The following RANBP10 variants were observed in gnomAD, a reference collection of about 807,000 sequenced individuals.
The protein encoded by RANBP10 is RAN binding protein 10, also known as ran-binding protein 10.
In RANBP10, 24 loss-of-function variants were observed where a neutral mutation model predicts 72.8. The observed-to-expected ratio is 0.33, with a 90% CI of 0.24 to 0.46. The LOEUF (loss-of-function observed/expected upper bound fraction) is 0.46. Among genes scored for constraint, RANBP10 ranks in the 20% least tolerant of loss-of-function variants. RANBP10 has a pLI of 1.00. For synonymous variants in RANBP10, 310 were observed against 322.3 expected, an observed-to-expected ratio of 0.96 and a Z score of 0.41; for missense variants, 679 against 817.5, an observed-to-expected ratio of 0.83 and a Z score of 2.07.
chr16:67,733,375 AAAGT>A (rs2053772684), intron 6 of RANBP10, among the ~76,000 whole-genome samples: 1 of 152,166 alleles, frequency 6.6e-6, no homozygotes, highest in Non-Finnish European at 1.5e-5. Context: ...AGAAAAAAGT[AAAGT>A]AAGTATAATT....
chr16:67,759,541 G>A (rs1364877152), intron 3 of RANBP10: 3 of 152,302 alleles, frequency 2.0e-5, no homozygotes, highest in African/African-American at 7.2e-5. Flanking sequence ...GTGACACCCA[G>A]AAGCATAGTG....
Position 67,729,910 on chromosome 16 carries a change from G to A in RANBP10, c.998+28C>T. On this transcript the variant is annotated intron_variant, in intron 8 of 13. Transcript: ENST00000317506. The surrounding 1 kb of genome is among the most constrained non-coding windows in gnomAD (Gnocchi z 7.1). ...CACCAGCTGAGAGGGGCTGGACTCT[G>A]GGGGAGCTGGGGGTGCCCAAGACTT... 1.2e-6 allele frequency: 2 copies of A among 1,613,514 alleles called. No homozygotes were observed. Among genetic ancestry groups the A allele is most frequent in the Non-Finnish European group, 1.7e-6 (2 of 1,179,902 alleles).
At chr16:67,750,761 CTTTTTT>C (rs914921755) in intron 3 of RANBP10, among the ~76,000 whole-genome samples, 2 of 110,254 alleles carry the variant, frequency 1.8e-5, no homozygotes, top group African/African-American at 3.6e-5. Flanking sequence ...TTTTCACTTT[CTTTTTT>C]TTTTTTTTTT....
At chr16:67,770,765 G>C (rs1253375075) in intron 3 of RANBP10, among the ~76,000 whole-genome samples, 1 of 152,126 alleles carries the variant, frequency 6.6e-6, no homozygotes, top group Non-Finnish European at 1.5e-5. Flanking sequence ...AAATTAGCCA[G>C]GTGTGGTAGC....
At chr16:67,803,800 C>T (rs918535311) in intron 2 of RANBP10, among the ~76,000 whole-genome samples, 1 of 138,272 alleles carries the variant, frequency 7.2e-6, no homozygotes, top group African/African-American at 2.7e-5. Context: ...TGCACTTCAG[C>T]GTGGGAGACA....
chr16:67,767,837 C>T (rs930959511), intron 3 of RANBP10, among the ~76,000 whole-genome samples: 1 of 151,904 alleles, frequency 6.6e-6, no homozygotes, highest in African/African-American at 2.4e-5. Context: ...ACCTTGTGAT[C>T]CACCCGCCTT....
Position 67,731,561 on chromosome 16 carries a change from T to C in RANBP10, c.800A>G (p.His267Arg). 3 of 1,614,160 alleles carry C rather than the reference T, an allele frequency of 1.9e-6. No individual in the cohort carries two copies. The highest frequency in any genetic ancestry group is 1.7e-6 in the Non-Finnish European group (2 of 1,179,994). ...LQNMVSSYLV[H>R]HGYCATATAF... The stretch of plus-strand genomic sequence containing the variant: ...CGTGGCTGTGGCACAATACCCATGA[T>C]GCACGAGGTAAGATGAAACCATGCT... The change falls in exon 7 of 14, where the codon CAT (histidine) becomes CGT (arginine). Residue 267 changes from histidine (H) to arginine (R), a missense_variant. Transcript: ENST00000317506.
chr16:67,779,849 C>T (rs1597898899), intron 2 of RANBP10, among the ~76,000 whole-genome samples: 3 of 152,116 alleles, frequency 2.0e-5, no homozygotes. Flanking sequence ...TGTGCTGACT[C>T]AAAATGGGGA....
intron 1 of RANBP10, 67 bp from the exon 2 acceptor site, chr16:67,805,606 T>C (rs1275639530): frequency 3.8e-6 from 5 of 1,318,044 alleles, no homozygotes; most frequent in South Asian, 2.5e-5. Flanking sequence ...CATTTTTCTC[T>C]GCAACTCCTC....
At chr16:67,764,146 G>GC (rs1447416261) in intron 3 of RANBP10, among the ~76,000 whole-genome samples, 2 of 152,126 alleles carry the variant, frequency 1.3e-5, no homozygotes, top group African/African-American at 4.8e-5. Context: ...GCTCTCTCAG[G>GC]CCAGTCTCAT....
chr16:67,754,132 C>CAA (rs67996811), intron 3 of RANBP10, among the ~76,000 whole-genome samples: 17 of 68,792 alleles, frequency 2.5e-4, no homozygotes, highest in Admixed American at 3.3e-4. Flanking sequence ...GAGTCCTTCT[C>CAA]AAAAAAAAAA....
intron 2 of RANBP10, among the ~76,000 whole-genome samples, chr16:67,778,027 G>A (rs9928374): frequency 0.07 from 10,669 of 152,140 alleles, 524 homozygotes; most frequent in Middle Eastern, 0.19. Context: ...AACAAATAAC[G>A]CTGGGACATC....
At chr16:67,790,946 C>A (rs1347325737) in intron 2 of RANBP10, among the ~76,000 whole-genome samples, 2 of 151,552 alleles carry the variant, frequency 1.3e-5, no homozygotes, top group Non-Finnish European at 2.9e-5. Flanking sequence ...GATCCACCCA[C>A]CTCAGCCTCC....
intron 1 of RANBP10, among the ~76,000 whole-genome samples, 193 bp downstream of exon 1, chr16:67,806,109 G>A (rs1476419293): frequency 6.6e-6 from 1 of 152,236 alleles, no homozygotes; most frequent in Non-Finnish European, 1.5e-5. Flanking sequence ...CTTGACGGCA[G>A]GTGTCTCAGG....
At chr16:67,773,635 AG>A (rs1289624959) in intron 2 of RANBP10, among the ~76,000 whole-genome samples, 3 of 152,188 alleles carry the variant, frequency 2.0e-5, no homozygotes, top group Admixed American at 6.6e-5. Flanking sequence ...CATGCTGGGC[AG>A]GAACAAGGAA....
At chr16:67,751,261 T>A (rs1456785114) in intron 3 of RANBP10, among the ~76,000 whole-genome samples, 2 of 152,230 alleles carry the variant, frequency 1.3e-5, no homozygotes, top group Non-Finnish European at 2.9e-5. Flanking sequence ...GATGCTTAAA[T>A]TTTCAAAGAC....
intron 3 of RANBP10, among the ~76,000 whole-genome samples, chr16:67,764,074 A>G (rs963847750): frequency 6.6e-6 from 1 of 152,232 alleles, no homozygotes; most frequent in Non-Finnish European, 1.5e-5. Context: ...GGTGGAAATC[A>G]GGGAGATGCA....
chr16:67,793,308 A>ATT (rs752769973), intron 2 of RANBP10, among the ~76,000 whole-genome samples: 14 of 131,494 alleles, frequency 1.1e-4, no homozygotes, highest in South Asian at 2.4e-4. Context: ...CTGGCTTGTA[A>ATT]TTTTTTTTTT....
At chr16:67,741,215 C>A (rs1270028422) in intron 4 of RANBP10, among the ~76,000 whole-genome samples, 2 of 152,160 alleles carry the variant, frequency 1.3e-5, no homozygotes, top group African/African-American at 2.4e-5. Flanking sequence ...GTGGTAATGC[C>A]ACAGGGTGAG....
Sources: gnomAD v4.1 joint callset for allele counts (sites outside exome capture counted in the v4.1 genomes callset) on GRCh38, gnomAD v4.1.1 for gene constraint, Gnocchi (gnomAD v3.1) non-coding constraint, MANE v1.5 for transcripts, NCBI Gene and HGNC (gene_info 2026-07-23, HGNC 2026-07-21) for gene names.